Variants in PSMD1 observed in about 807,000 individuals in gnomAD.
The protein encoded by PSMD1 is 26S proteasome non-ATPase regulatory subunit 1.
In PSMD1, 18 loss-of-function variants were observed where a neutral mutation model predicts 119.0. That is an observed-to-expected ratio of 0.15 (90% CI 0.10 to 0.22). PSMD1 has a LOEUF of 0.22. PSMD1 is among the 10% of genes least tolerant of loss of function. The pLI is 1.00. For synonymous variants in PSMD1, 374 were observed against 396.6 expected, an observed-to-expected ratio of 0.94 and a Z score of 0.68; for missense variants, 702 against 1,158.5, an observed-to-expected ratio of 0.61 and a Z score of 5.72.
intron 17 of PSMD1, among the ~76,000 whole-genome samples, chr2:231,141,471 C>T (rs1012820792): frequency 6.7e-6 from 1 of 149,222 alleles, no homozygotes; most frequent in Admixed American, 6.7e-5. Flanking sequence ...TCACTGTCAC[C>T]CAGGCTGGAG....
chr2:231,108,967 G>A (rs1695059318), intron 16 of PSMD1: 1 of 1,614,148 alleles, frequency 6.2e-7, no homozygotes, highest in East Asian at 2.2e-5. Context: ...TAAGCAAAAA[G>A]AGGAAAAACA....
At chr2:231,070,739 C>T (rs950625796) in intron 6 of PSMD1, among the ~76,000 whole-genome samples, 2 of 152,038 alleles carry the variant, frequency 1.3e-5, no homozygotes, top group African/African-American at 4.8e-5. Context: ...TACTTATTCA[C>T]ACATGTGGAT....
At chr2:231,157,930 T>C (rs747330415) in intron 19 of PSMD1, among the ~76,000 whole-genome samples, 2 of 152,122 alleles carry the variant, frequency 1.3e-5, no homozygotes, top group Non-Finnish European at 2.9e-5. Context: ...TCATGTCCTT[T>C]TTCACTTTTT....
At chr2:231,130,382 C>T (rs1397489435) in intron 16 of PSMD1, among the ~76,000 whole-genome samples, 1 of 152,136 alleles carries the variant, frequency 6.6e-6, no homozygotes, top group Non-Finnish European at 1.5e-5. Context: ...GATTTCTTTC[C>T]TCTCCACTGC....
intron 12 of PSMD1, 76 bp downstream of exon 12, chr2:231,080,390 G>T: frequency 8.0e-7 from 1 of 1,246,884 alleles, no homozygotes; most frequent in South Asian, 1.8e-5. Context: ...TTATTTTAGT[G>T]ACTGGAGATT....
At chr2:231,150,084 G>A (rs146428873) in intron 18 of PSMD1, among the ~76,000 whole-genome samples, 3,547 of 152,218 alleles carry the variant, frequency 0.023, 57 homozygotes, top group Middle Eastern at 0.027. Context: ...AGTGGCTCAC[G>A]CCTATAATCA....
At chr2:231,161,239 A>T (rs1262472294) in intron 19 of PSMD1, 101 bp from the exon 20 acceptor site, 75 of 272,000 alleles carry the variant, frequency 2.8e-4, no homozygotes, top group Middle Eastern at 6.7e-4. Context: ...CTATCTCTTT[A>T]AAAAAAAAAA....
intron 16 of PSMD1, among the ~76,000 whole-genome samples, chr2:231,090,881 GT>G (rs1437232522): frequency 7.2e-5 from 11 of 152,246 alleles, no homozygotes; most frequent in African/African-American, 2.7e-4. Context: ...TGGCTGAGGA[GT>G]TGTTTCTTGG....
intron 16 of PSMD1, among the ~76,000 whole-genome samples, chr2:231,118,118 T>C (rs1695405678): frequency 6.8e-6 from 1 of 146,406 alleles, no homozygotes. Flanking sequence ...CTCTGTAAAG[T>C]GGGGATAATA....
chr2:231,092,019 A>G (rs1694609061), intron 16 of PSMD1, among the ~76,000 whole-genome samples: 1 of 152,144 alleles, frequency 6.6e-6, no homozygotes, highest in Non-Finnish European at 1.5e-5. Context: ...CATTAGACAC[A>G]TTTTTGGCCA....
chr2:231,121,890 A>T (rs1695556119), intron 16 of PSMD1, among the ~76,000 whole-genome samples: 2 of 152,186 alleles, frequency 1.3e-5, no homozygotes. Context: ...TGCCTAGCAA[A>T]GCACAGTTTG....
intron 16 of PSMD1, among the ~76,000 whole-genome samples, chr2:231,135,226 C>T (rs2125244863): frequency 1.3e-5 from 2 of 152,226 alleles, no homozygotes; most frequent in South Asian, 4.1e-4. Flanking sequence ...TTTCAATAGC[C>T]TCTTTGGTGT....
rs192972017 is a variant in PSMD1 at position 231,126,268 on chromosome 2, G to T, written c.1884-12468G>T. 7.0e-4 allele frequency among the ~76,000 whole-genome samples: 107 copies of T among 152,172 alleles called. No homozygotes were observed. The East Asian group carries it at 0.012, about 17-fold the overall frequency. On this transcript the variant is annotated intron_variant, in intron 16 of 24. Transcript: ENST00000308696. ...ACCACATAAATTAGCCAAGGGTGGT[G>T]GTTCACACCCGTAGTCCCAGCTACT...
intron 14 of PSMD1, 40 bp downstream of exon 14, chr2:231,083,803 G>A (rs768226474): frequency 2.5e-6 from 4 of 1,595,382 alleles, no homozygotes; most frequent in Non-Finnish European, 3.4e-6. Flanking sequence ...TTTATCTCCA[G>A]CATGTAAAAA....
chr2:231,061,986 A>T (rs1693771979), intron 2 of PSMD1, among the ~76,000 whole-genome samples: 1 of 152,248 alleles, frequency 6.6e-6, no homozygotes, highest in Non-Finnish European at 1.5e-5. Flanking sequence ...GTGGCTCTAG[A>T]TACTTGATTC....
intron 23 of PSMD1, among the ~76,000 whole-genome samples, chr2:231,167,212 C>T (rs1454154049): frequency 6.6e-6 from 1 of 151,998 alleles, no homozygotes; most frequent in African/African-American, 2.4e-5. Flanking sequence ...TGATCTGCAA[C>T]CTGGTTCATC....
intron 1 of PSMD1, among the ~76,000 whole-genome samples, chr2:231,059,328 G>A (rs1693698781): frequency 6.6e-6 from 1 of 152,110 alleles, no homozygotes; most frequent in Non-Finnish European, 1.5e-5. Flanking sequence ...CTTAGAATTT[G>A]TCCCAGGTGC....
chr2:231,114,387 T>C (rs906095986), intron 16 of PSMD1, among the ~76,000 whole-genome samples: 6 of 152,326 alleles, frequency 3.9e-5, no homozygotes, highest in African/African-American at 1.4e-4. Context: ...CTGTGACACC[T>C]GGGTTTTGGG....
intron 16 of PSMD1, chr2:231,133,468 A>C (rs1008430749): frequency 1.3e-5 from 2 of 152,236 alleles, no homozygotes; most frequent in African/African-American, 2.4e-5. Flanking sequence ...CTGAATTCTT[A>C]CCTAGCATTA....
Sources: gnomAD v4.1 joint callset for allele counts (sites outside exome capture counted in the v4.1 genomes callset) on GRCh38, gnomAD v4.1.1 for gene constraint, MANE v1.5 for transcripts, NCBI Gene and HGNC (gene_info 2026-07-23, HGNC 2026-07-21) for gene names.